The following ALK variants were observed in gnomAD, a reference collection of about 807,000 sequenced individuals.
ALK encodes the protein ALK receptor tyrosine kinase.
ALK carries 74 observed loss-of-function variants against 163.1 expected under a neutral mutation model. That is an observed-to-expected ratio of 0.45 (90% CI 0.38 to 0.55). ALK has a LOEUF of 0.55. Among genes scored for constraint, ALK ranks in the 20% least tolerant of loss-of-function variants. The pLI is 0.00. For missense variants in ALK, 2,063 were observed against 2,105.3 expected (o/e 0.98, Z 0.39); for synonymous variants, 960 against 843.2 (o/e 1.14, Z -2.40).
At chr2:29,677,383 G>A (rs1333113061) in intron 3 of ALK, among the ~76,000 whole-genome samples, 1 of 151,424 alleles carries the variant, frequency 6.6e-6, no homozygotes, top group Admixed American at 6.6e-5. Context: ...CAAGCTTTTA[G>A]TCTTTCATTA....
At chr2:29,263,395 C>T (rs892533441) in intron 11 of ALK, among the ~76,000 whole-genome samples, 1 of 152,136 alleles carries the variant, frequency 6.6e-6, no homozygotes, top group African/African-American at 2.4e-5. Context: ...CTACAAGGCC[C>T]TTGGAATTGT....
At chr2:29,867,276 A>G (rs1666458807) in intron 1 of ALK, among the ~76,000 whole-genome samples, 4 of 152,198 alleles carry the variant, frequency 2.6e-5, no homozygotes, top group Admixed American at 2.0e-4. Flanking sequence ...TTTAGTCCTT[A>G]CAAAAACAAA....
chr2:29,554,839 T>A (rs1361041626), intron 3 of ALK, among the ~76,000 whole-genome samples: 1 of 152,076 alleles, frequency 6.6e-6, no homozygotes, highest in Non-Finnish European at 1.5e-5. Flanking sequence ...TTCATTTCAG[T>A]AAAGAAGCCA....
At chr2:29,257,470 G>A (rs945325746) in intron 11 of ALK, among the ~76,000 whole-genome samples, 3 of 151,212 alleles carry the variant, frequency 2.0e-5, no homozygotes, top group Non-Finnish European at 2.9e-5. Context: ...ACAGTACATC[G>A]CTAAAAAAAA....
rs184874546 is a variant in ALK at position 29,246,492 on chromosome 2, A to G, written c.2204+4613T>C. 1.7e-3 allele frequency among the ~76,000 whole-genome samples: 266 copies of G among 152,260 alleles called. No individual in the cohort carries two copies. Among genetic ancestry groups the G allele is most frequent in the African/African-American group, 6.1e-3 (253 of 41,552 alleles). ...CATCCGCTCCAGCCACCCACCCTCT[A>G]GACACCATGGTTACTCAGCACCACG... is the stretch of plus-strand genomic sequence containing the variant. On this transcript the variant is annotated intron_variant, in intron 12 of 28. Coordinates refer to ENST00000389048, the MANE Select transcript of ALK (RefSeq NM_004304.5). The surrounding 1 kb of genome is among the most constrained non-coding windows in gnomAD (Gnocchi z 4.3).
intron 24 of ALK, 118 bp downstream of exon 24, chr2:29,213,866 C>T (rs2148158921): frequency 3.5e-6 from 3 of 859,344 alleles, no homozygotes; most frequent in Non-Finnish European, 5.9e-6. Context: ...ATCCAAATGG[C>T]TCTGGAGGGA....
chr2:29,339,497 C>T (rs949263137), intron 5 of ALK, among the ~76,000 whole-genome samples: 18 of 152,000 alleles, frequency 1.2e-4, no homozygotes, highest in African/African-American at 3.4e-4. Flanking sequence ...CCCTGTGGGC[C>T]GTGGCAAGGA....
At chr2:29,275,518 T>C (rs1251917342) in intron 9 of ALK, 22 bp from the exon 10 acceptor site, 14 of 1,613,116 alleles carry the variant, frequency 8.7e-6, no homozygotes, top group South Asian at 2.2e-5. Flanking sequence ...AAGAGGAATG[T>C]GTGTGAGGAG....
At chr2:29,448,118 T>C (rs1465473165) in intron 4 of ALK, among the ~76,000 whole-genome samples, 1 of 152,230 alleles carries the variant, frequency 6.6e-6, no homozygotes, top group Non-Finnish European at 1.5e-5. Context: ...TTCAAAGCTA[T>C]ACCATACTGA....
chr2:29,714,415 A>C (rs1679190597), intron 2 of ALK, among the ~76,000 whole-genome samples: 1 of 152,184 alleles, frequency 6.6e-6, no homozygotes, highest in Non-Finnish European at 1.5e-5. Context: ...TCAAGCAGAT[A>C]ATTACAGACT....
At chr2:29,755,697 C>G (rs1279727658) in intron 1 of ALK, among the ~76,000 whole-genome samples, 1 of 152,074 alleles carries the variant, frequency 6.6e-6, no homozygotes, top group Non-Finnish European at 1.5e-5. Flanking sequence ...TTAGTACCCA[C>G]CTCCCCATTT....
intron 3 of ALK, among the ~76,000 whole-genome samples, chr2:29,632,214 CA>C (rs1385022477): frequency 6.6e-6 from 1 of 152,094 alleles, no homozygotes; most frequent in Non-Finnish European, 1.5e-5. Flanking sequence ...ATGAGTGATA[CA>C]GAAATAAACT....
chr2:29,837,425 G>A (rs1270860154), intron 1 of ALK, among the ~76,000 whole-genome samples: 2 of 152,176 alleles, frequency 1.3e-5, no homozygotes, highest in African/African-American at 2.4e-5. Context: ...GCTGAATACT[G>A]TGCTGCACAT....
chr2:29,290,417 G>C (rs957981371), intron 9 of ALK, among the ~76,000 whole-genome samples: 1 of 152,208 alleles, frequency 6.6e-6, no homozygotes, highest in Non-Finnish European at 1.5e-5. Context: ...GTCAGTAGGC[G>C]AGTGATGTCT....
At chr2:29,195,172 C>G (rs1291942621) in intron 28 of ALK, among the ~76,000 whole-genome samples, 1 of 151,960 alleles carries the variant, frequency 6.6e-6, no homozygotes, top group Non-Finnish European at 1.5e-5. Context: ...GTAAAACTGC[C>G]TTTTAAGAGG....
At chr2:29,900,591 G>A (rs1667385452) in intron 1 of ALK, among the ~76,000 whole-genome samples, 1 of 152,232 alleles carries the variant, frequency 6.6e-6, no homozygotes, top group African/African-American at 2.4e-5. Flanking sequence ...CACAGAGTGG[G>A]TACTTCACTC....
chr2:29,346,528 C>T (rs145137924), intron 5 of ALK, among the ~76,000 whole-genome samples: 129 of 152,310 alleles, frequency 8.5e-4, no homozygotes, highest in Admixed American at 3.7e-3. Context: ...CAGGCTGGGG[C>T]GAGGTTTCTG....
At chr2:29,842,676 T>G (rs931159597) in intron 1 of ALK, among the ~76,000 whole-genome samples, 2 of 152,072 alleles carry the variant, frequency 1.3e-5, no homozygotes, top group African/African-American at 4.8e-5. Context: ...CACATGGAGA[T>G]GGAGGATAGT....
chr2:29,274,370 C>T (rs1047204926), intron 11 of ALK, among the ~76,000 whole-genome samples: 7 of 152,172 alleles, frequency 4.6e-5, no homozygotes, highest in Non-Finnish European at 8.8e-5. Context: ...ACTTGTTTCT[C>T]CAGGCTATAC....
Sources: gnomAD v4.1 joint callset for allele counts (sites outside exome capture counted in the v4.1 genomes callset) on GRCh38, gnomAD v4.1.1 for gene constraint, Gnocchi (gnomAD v3.1) non-coding constraint, MANE v1.5 for transcripts, NCBI Gene and HGNC (gene_info 2026-07-23, HGNC 2026-07-21) for gene names.